The following TNIK variants were observed in gnomAD, a reference collection of about 807,000 sequenced individuals.
TNIK encodes TRAF2 and NCK-interacting protein kinase.
Under a neutral mutation model 191.3 loss-of-function variants are expected in TNIK, and 49 were observed. The ratio of observed to expected loss-of-function variants is 0.26; its 90% CI spans 0.20 to 0.32. The LOEUF is 0.32. Among genes scored for constraint, TNIK ranks in the 10% least tolerant of loss-of-function variants. TNIK has a pLI of 1.00. For missense variants in TNIK, 1,155 were observed against 1,702.3 expected (o/e 0.68, Z 5.66); for synonymous variants, 594 against 600.9 (o/e 0.99, Z 0.17).
chr3:171,194,332 C>CT (rs1489359551), intron 5 of TNIK, among the ~76,000 whole-genome samples, 193 bp downstream of exon 5: 1 of 152,192 alleles, frequency 6.6e-6, no homozygotes, highest in Non-Finnish European at 1.5e-5. Flanking sequence ...ATGGCGCTCA[C>CT]TTCCATCAGA....
chr3:171,110,744 C>T lies in TNIK; in HGVS notation c.2254G>A (p.Ala752Thr), dbSNP rs1414697833. The change falls in exon 19 of 33, where the codon GCA (alanine) becomes ACA (threonine). Residue 752 changes from alanine (A) to threonine (T), a missense_variant. Ala to Thr is a moderately conservative substitution (Grantham distance 58). Around this residue, in one of 3 missense-constraint regions of TNIK, gnomAD observed 735 missense variants for 848.0 expected, o/e 0.87. Coordinates refer to ENST00000436636, the MANE Select transcript of TNIK (RefSeq NM_015028.4). ...SQGGSQPGSQ[A>T]GSSERTRVRA... is the part of the protein sequence containing the mutation. ...ACTCTGGTGCGTTCACTGGATCCTG[C>T]TTGTGATCCAGGCTGGGAGCCTCCT... 1.2e-6 allele frequency: 2 copies of T among 1,601,030 alleles called. No homozygotes were observed. The highest frequency in any genetic ancestry group is 1.3e-5 in the African/African-American group (1 of 74,864).
chr3:171,190,059 A>T (rs952192206), intron 6 of TNIK, among the ~76,000 whole-genome samples: 1 of 152,216 alleles, frequency 6.6e-6, no homozygotes, highest in African/African-American at 2.4e-5. Context: ...ATATTTGTCA[A>T]TTCATGCTCT....
At chr3:171,291,745 C>T (rs1038198602) in intron 2 of TNIK, among the ~76,000 whole-genome samples, 2 of 152,166 alleles carry the variant, frequency 1.3e-5, no homozygotes, top group African/African-American at 4.8e-5. Flanking sequence ...CTGGGTTTCA[C>T]TGAGCTTTCT....
At chr3:171,138,830 A>G (rs1730387579) in intron 14 of TNIK, among the ~76,000 whole-genome samples, 1 of 152,178 alleles carries the variant, frequency 6.6e-6, no homozygotes, top group African/African-American at 2.4e-5. Flanking sequence ...ATTTAATAAA[A>G]CTTGGACCTA....
chr3:171,398,002 T>C (rs1024538814), intron 1 of TNIK, among the ~76,000 whole-genome samples: 1 of 152,208 alleles, frequency 6.6e-6, no homozygotes, highest in African/African-American at 2.4e-5. Flanking sequence ...AGACCTTAGA[T>C]ATGAAGTGAT....
chr3:171,422,341 C>T (rs941066527), intron 1 of TNIK, among the ~76,000 whole-genome samples: 2 of 152,074 alleles, frequency 1.3e-5, no homozygotes, highest in African/African-American at 4.8e-5. Context: ...CACATACTTA[C>T]ACACACCACA....
At chr3:171,170,610 T>C (rs1413972258) in intron 9 of TNIK, among the ~76,000 whole-genome samples, 2 of 152,188 alleles carry the variant, frequency 1.3e-5, no homozygotes, top group Non-Finnish European at 2.9e-5. Context: ...TCATGTAAAA[T>C]ATTGAGAACA....
chr3:171,166,993 C>A, intron 10 of TNIK, 102 bp downstream of exon 10: 1 of 1,419,496 alleles, frequency 7.0e-7, no homozygotes. Flanking sequence ...AAGAATAATG[C>A]AGGCCCATTT....
At chr3:171,098,150 T>A (rs6788043) in intron 22 of TNIK, among the ~76,000 whole-genome samples, 75,756 of 151,918 alleles carry the variant, frequency 0.5, 20,014 homozygotes, top group East Asian at 0.69. Context: ...AAAGAGTCAT[T>A]TTACAGTGGA....
chr3:171,374,108 G>C (rs1716902223), intron 1 of TNIK, among the ~76,000 whole-genome samples: 1 of 152,156 alleles, frequency 6.6e-6, no homozygotes, highest in Admixed American at 6.5e-5. Flanking sequence ...AATTCTTCAA[G>C]ACATGTATAG....
At chr3:171,140,789 G>T (rs537655036) in intron 12 of TNIK, among the ~76,000 whole-genome samples, 22 of 152,242 alleles carry the variant, frequency 1.4e-4, no homozygotes, top group African/African-American at 4.3e-4. Flanking sequence ...GCTGGTGAGG[G>T]TTTTCAAGTC....
At chr3:171,333,084 G>A (rs1253307061) in intron 2 of TNIK, among the ~76,000 whole-genome samples, 2 of 152,126 alleles carry the variant, frequency 1.3e-5, no homozygotes, top group East Asian at 3.8e-4. Flanking sequence ...TTAGGGAAGA[G>A]GCCCCAGTTG....
chr3:171,437,831 C>G (rs1335469983), intron 1 of TNIK, among the ~76,000 whole-genome samples: 2 of 152,236 alleles, frequency 1.3e-5, no homozygotes, highest in Non-Finnish European at 2.9e-5. Flanking sequence ...TTAGATGGCT[C>G]CAGATGACTT....
intron 12 of TNIK, among the ~76,000 whole-genome samples, chr3:171,150,180 G>A (rs941625406): frequency 2.6e-5 from 4 of 152,178 alleles, no homozygotes; most frequent in Non-Finnish European, 5.9e-5. Context: ...CAATAACAAA[G>A]CAGGTAATGA....
chr3:171,084,033 C>CT, intron 26 of TNIK, 122 bp downstream of exon 26: 1 of 1,317,700 alleles, frequency 7.6e-7, no homozygotes, highest in Non-Finnish European at 1.0e-6. Context: ...AGTTAGGTCT[C>CT]TAATACCCAG....
chr3:171,079,806 A>G (rs1171101256), intron 27 of TNIK, among the ~76,000 whole-genome samples, 154 bp from the exon 28 acceptor site: 1 of 152,176 alleles, frequency 6.6e-6, no homozygotes, highest in African/African-American at 2.4e-5. Context: ...TGTCATTAAA[A>G]TGGTGTTTCT....
chr3:171,329,483 A>G (rs1434487136), intron 2 of TNIK, among the ~76,000 whole-genome samples: 6 of 152,162 alleles, frequency 3.9e-5, no homozygotes, highest in Non-Finnish European at 8.8e-5. Context: ...TTTACCTTAA[A>G]CTCTGTGAGC....
At chr3:171,251,105 A>G (rs1746171058) in intron 2 of TNIK, among the ~76,000 whole-genome samples, 1 of 152,250 alleles carries the variant, frequency 6.6e-6, no homozygotes, top group Non-Finnish European at 1.5e-5. Flanking sequence ...ACTACCAGAC[A>G]GGTTAAAGGT....
At chr3:171,252,207 C>T (rs986757668) in intron 2 of TNIK, among the ~76,000 whole-genome samples, 1 of 152,084 alleles carries the variant, frequency 6.6e-6, no homozygotes, top group Non-Finnish European at 1.5e-5. Flanking sequence ...GAAAATGCCT[C>T]CATTTTACCT....
Sources: allele counts gnomAD v4.1 joint callset (sites outside exome capture counted in the v4.1 genomes callset), GRCh38; gene constraint gnomAD v4.1.1; regional missense constraint gnomAD v4.1.1; transcripts MANE v1.5; gene names NCBI Gene and HGNC (gene_info 2026-07-23, HGNC 2026-07-21).